GALNT14: variants seen among roughly 807,000 people sequenced by gnomAD.
The protein encoded by GALNT14 is polypeptide N-acetylgalactosaminyltransferase 14.
GALNT14 carries 60 observed loss-of-function variants against 77.5 expected under a neutral mutation model. The observed-to-expected ratio is 0.77, with a 90% CI of 0.63 to 0.96. The LOEUF is 0.96. Among genes scored for constraint, GALNT14 ranks in the 40% least tolerant of loss-of-function variants. The pLI is 0.00. For missense variants in GALNT14, 710 were observed against 731.0 expected (o/e 0.97, Z 0.33); for synonymous variants, 280 against 281.7 (o/e 0.99, Z 0.06).
chr2:31,129,505 C>T lies in GALNT14; in HGVS notation c.129+8453G>A, dbSNP rs1402573543. 8.1e-6 allele frequency: 8 copies of T among 985,434 alleles called. No individual in the cohort carries two copies. The East Asian group carries it at 7.9e-4, about 98-fold the overall frequency. 61.0% of individuals were successfully genotyped at this position (985,434 alleles called of 1,614,324 possible). A position where few individuals can be genotyped will look rare whatever the true frequency, so the allele number is the denominator to read the frequency against. ...CACCCAGCTGGCAGCCATCAATTGG[C>T]CATCTATTAATAGCCAATTATCTGG... On this transcript the variant is annotated intron_variant, in intron 1 of 14. Coordinates refer to ENST00000349752, the MANE Select transcript of GALNT14 (RefSeq NM_024572.4).
At chr2:31,057,425 A>G (rs1257098317) in intron 1 of GALNT14, among the ~76,000 whole-genome samples, 2 of 147,472 alleles carry the variant, frequency 1.4e-5, no homozygotes, top group East Asian at 4.0e-4. Context: ...ATATATATAT[A>G]TACACACACA....
At chr2:30,895,576 C>T in the GALNT14 span, among the ~76,000 whole-genome samples, 1 of 152,184 alleles carries the variant, frequency 6.6e-6, no homozygotes, top group Non-Finnish European at 1.5e-5. Context: ...GAGGATTAAT[C>T]ACGCTACTCA....
rs139752474 is a variant in GALNT14, at chr2:31,119,100, GA to G, written c.129+18857del. 6.0e-5 allele frequency among the ~76,000 whole-genome samples: 9 copies of G among 150,768 alleles called. No homozygotes were observed. The South Asian group carries it at 6.3e-4, about 11-fold the overall frequency. On this transcript the variant is annotated intron_variant, in intron 1 of 14. Coordinates refer to ENST00000349752, the MANE Select transcript of GALNT14 (RefSeq NM_024572.4). Reference sequence around the variant, plus strand: ...ATGGACCTAAGATTTAAAAGTTTAAGAAAAAAAAATCATATAAAAGTGGAAA... The same window carrying G: ...ATGGACCTAAGATTTAAAAGTTTAAGAAAAAAAATCATATAAAAGTGGAAA...
intron 1 of GALNT14, among the ~76,000 whole-genome samples, chr2:31,104,590 A>G (rs907011340): frequency 6.6e-6 from 1 of 152,164 alleles, no homozygotes; most frequent in Admixed American, 6.5e-5. Flanking sequence ...CACATGTTGC[A>G]TTTAGTTGTC....
intron 1 of GALNT14, among the ~76,000 whole-genome samples, chr2:31,130,226 A>G (rs563670203): frequency 2.0e-5 from 3 of 152,246 alleles, no homozygotes; most frequent in Non-Finnish European, 4.4e-5. Context: ...ATGGCTCTGT[A>G]TTCCCAGCGA....
chr2:31,117,448 A>T (rs1678166732), intron 1 of GALNT14, among the ~76,000 whole-genome samples: 1 of 152,242 alleles, frequency 6.6e-6, no homozygotes, highest in Non-Finnish European at 1.5e-5. Context: ...ATTACTAGCA[A>T]GAAAAGTTAA....
intron 1 of GALNT14, among the ~76,000 whole-genome samples, chr2:31,137,185 G>C (rs1245248854): frequency 2.6e-5 from 4 of 152,218 alleles, no homozygotes; most frequent in Non-Finnish European, 4.4e-5. Flanking sequence ...GATTTTCAGT[G>C]AACCTTCGGA....
intron 1 of GALNT14, among the ~76,000 whole-genome samples, chr2:31,117,354 C>A (rs1678162326): frequency 6.6e-6 from 1 of 152,164 alleles, no homozygotes; most frequent in African/African-American, 2.4e-5. Flanking sequence ...TGGGACACAG[C>A]AAAGGCTGGC....
chr2:30,932,725 A>G (rs1473424672), intron 9 of GALNT14, among the ~76,000 whole-genome samples: 3 of 152,204 alleles, frequency 2.0e-5, no homozygotes. Context: ...GGATGCAACA[A>G]AGGGGACTGA....
At chr2:30,954,371 T>C (rs2148314275) in intron 6 of GALNT14, among the ~76,000 whole-genome samples, 1 of 152,366 alleles carries the variant, frequency 6.6e-6, no homozygotes, top group Admixed American at 6.5e-5. Context: ...TCCTCTTTTT[T>C]GTTTTTGAGA....
intron 9 of GALNT14, among the ~76,000 whole-genome samples, chr2:30,933,682 T>C (rs1418746381): frequency 6.6e-6 from 1 of 152,144 alleles, no homozygotes; most frequent in Non-Finnish European, 1.5e-5. Context: ...TTCTCATGAC[T>C]GCTACTGAAT....
Position 30,913,259 on chromosome 2 carries a change from T to C in GALNT14, c.1381-917A>G, listed in dbSNP as rs372342448. 4.1e-3 allele frequency among the ~76,000 whole-genome samples: 622 copies of C among 152,282 alleles called. 10 individuals are homozygous for C. Among genetic ancestry groups the C allele is most frequent in the South Asian group, 0.032 (153 of 4,818 alleles). On this transcript the variant is annotated intron_variant, in intron 13 of 14. Coordinates refer to ENST00000349752, the MANE Select transcript of GALNT14 (RefSeq NM_024572.4). The stretch of plus-strand genomic sequence containing the variant: ...CTTTGCCTCCGTCTGGGGGCAAAGA[T>C]GATTCCTGAATTGGGTCCCCTGGGG...
At chr2:31,053,661 A>C (rs1674035038) in intron 1 of GALNT14, among the ~76,000 whole-genome samples, 1 of 152,122 alleles carries the variant, frequency 6.6e-6, no homozygotes, top group African/African-American at 2.4e-5. Flanking sequence ...CCGCCACTAA[A>C]AAGCAGTTGC....
intron 11 of GALNT14, among the ~76,000 whole-genome samples, chr2:30,928,678 G>T (rs554940527): frequency 1.6e-3 from 245 of 152,118 alleles, no homozygotes; most frequent in African/African-American, 5.6e-3. Context: ...GTGCAGTGGC[G>T]TGATCTCGGC....
intron 1 of GALNT14, among the ~76,000 whole-genome samples, chr2:31,035,601 AC>A (rs1672682576): frequency 4.0e-5 from 2 of 49,398 alleles, no homozygotes; most frequent in African/African-American, 1.0e-4. Flanking sequence ...ATATACATAT[AC>A]ACACACACAC....
intron 1 of GALNT14, among the ~76,000 whole-genome samples, chr2:31,023,086 A>T (rs1230402907): frequency 1.3e-5 from 2 of 152,130 alleles, no homozygotes; most frequent in Non-Finnish European, 2.9e-5. Context: ...ATTTTGACAG[A>T]TTGAGATATG....
At chr2:30,901,747 A>G in the GALNT14 span, among the ~76,000 whole-genome samples, 1 of 152,104 alleles carries the variant, frequency 6.6e-6, no homozygotes, top group African/African-American at 2.4e-5. Flanking sequence ...CATCACACCA[A>G]TAAAACACTC....
the GALNT14 span, among the ~76,000 whole-genome samples, chr2:30,899,236 C>T: frequency 6.6e-6 from 1 of 152,200 alleles, no homozygotes; most frequent in Non-Finnish European, 1.5e-5. Context: ...GGTGAAGCTC[C>T]GTTGTTGAAG....
At chr2:30,971,820 T>C (rs1380340468) in intron 2 of GALNT14, among the ~76,000 whole-genome samples, 3 of 152,098 alleles carry the variant, frequency 2.0e-5, no homozygotes, top group Non-Finnish European at 1.5e-5. Flanking sequence ...TGATGGTTGC[T>C]GTCAGTCATG....
Sources: allele counts gnomAD v4.1 joint callset (sites outside exome capture counted in the v4.1 genomes callset), GRCh38; gene constraint gnomAD v4.1.1; transcripts MANE v1.5; gene names NCBI Gene and HGNC (gene_info 2026-07-23, HGNC 2026-07-21).